Variants in SYNCRIP observed in about 807,000 individuals in gnomAD.
The protein encoded by SYNCRIP is synaptotagmin binding cytoplasmic RNA interacting protein, also known as heterogeneous nuclear ribonucleoprotein Q.
In SYNCRIP, 9 loss-of-function variants were observed where a neutral mutation model predicts 68.9. That is an observed-to-expected ratio of 0.13 (90% CI 0.08 to 0.23). The LOEUF is 0.23. SYNCRIP is among the 10% of genes least tolerant of loss of function. The pLI, the probability that SYNCRIP is intolerant of heterozygous loss-of-function variation, is 1.00. For synonymous variants in SYNCRIP, 258 were observed against 254.0 expected (o/e 1.02, Z -0.15); for missense variants, 414 against 770.6 (o/e 0.54, Z 5.48).
At chr6:85,643,720 T>A (rs1809480395), upstream of SYNCRIP, 1 of 150,494 alleles carries the variant, frequency 6.6e-6, no homozygotes, top group South Asian at 2.1e-4. Flanking sequence ...GGGCGCTGAG[T>A]GCGACTGCCG....
In SYNCRIP at chr6:85,615,032, T is replaced by G. The variant is rs759408635; in HGVS notation, c.1596A>C (p.Ala532=). ...CTCCTCTCGCACCTCGAACGCCTCT[T>G]GCTGATCCAGGACCTCCTCTCTGTG... ...GYSQRGGPGS[A]RGVRGARGGA... is the part of the protein sequence containing the mutation. The change falls in exon 11 of 11, where the codon GCA becomes GCC. Residue 532 remains alanine, a synonymous_variant. Transcript: ENST00000369622. The G allele has an allele frequency of 3.1e-6, 5 of 1,614,104 alleles. No individual in the cohort carries two copies. In the Admixed American group the frequency reaches 6.7e-5, roughly 22 times the overall value.
At chr6:85,631,106 G>A (rs1429178431) in intron 6 of SYNCRIP, among the ~76,000 whole-genome samples, 1 of 152,182 alleles carries the variant, frequency 6.6e-6, no homozygotes, top group Non-Finnish European at 1.5e-5. Flanking sequence ...ACTTTGGGAG[G>A]CTGAGGCGGG....
intron 6 of SYNCRIP, 110 bp from the exon 7 acceptor site, chr6:85,624,222 AT>A: frequency 1.9e-6 from 2 of 1,052,940 alleles, no homozygotes; most frequent in East Asian, 4.9e-5. Flanking sequence ...GTTTACCTTA[AT>A]TCCCATACAA....
rs1562110806 is a variant in SYNCRIP at position 85,637,434 on chromosome 6, G to A, written c.376-78C>T. 3 of 922,804 alleles carry A rather than the reference G, an allele frequency of 3.3e-6. No homozygotes were observed. The African/African-American group carries it at 5.0e-5, about 15-fold the overall frequency. 57.2% of individuals were successfully genotyped at this position (922,804 alleles called of 1,614,324 possible). A position where few individuals can be genotyped will look rare whatever the true frequency, so the allele number is the denominator to read the frequency against. ...ATATTTAGCAGTTAACATCCATCTT[G>A]CTCAAATCTTTCCAATTATCTTGGC... On this transcript the variant is annotated intron_variant, in intron 4 of 10. Coordinates refer to ENST00000369622, the MANE Select transcript of SYNCRIP (RefSeq NM_006372.5).
downstream of SYNCRIP, chr6:85,612,020 C>T (rs150956081): frequency 1.3e-5 from 2 of 152,238 alleles, no homozygotes; most frequent in East Asian, 1.9e-4. Flanking sequence ...AACTATTATA[C>T]ATCCAAATAA....
At chr6:85,633,163 G>A (rs1318201558) in intron 6 of SYNCRIP, among the ~76,000 whole-genome samples, 1 of 151,914 alleles carries the variant, frequency 6.6e-6, no homozygotes, top group Non-Finnish European at 1.5e-5. Flanking sequence ...GGCTGAGGCA[G>A]GAGAATGGCG....
chr6:85,613,260 T>C (rs1805392479), downstream of SYNCRIP, among the ~76,000 whole-genome samples: 1 of 151,928 alleles, frequency 6.6e-6, no homozygotes, highest in African/African-American at 2.4e-5. Context: ...AACTTGCAAG[T>C]AATTCCCATT....
chr6:85,629,771 G>A (rs1221225726), intron 6 of SYNCRIP, among the ~76,000 whole-genome samples: 3 of 152,016 alleles, frequency 2.0e-5, no homozygotes, highest in South Asian at 2.1e-4. Context: ...GCAGTGAGCC[G>A]AGATCATGCC....
At chr6:85,636,031 C>T (rs1205430807) in intron 6 of SYNCRIP, among the ~76,000 whole-genome samples, 2 of 152,158 alleles carry the variant, frequency 1.3e-5, no homozygotes, top group East Asian at 3.8e-4. Context: ...TTGCTTGATA[C>T]ATTCTATGGG....
intron 9 of SYNCRIP, 79 bp downstream of exon 9, chr6:85,619,189 T>C (rs1420833859): frequency 1.3e-6 from 2 of 1,567,486 alleles, no homozygotes; most frequent in African/African-American, 1.4e-5. Context: ...TCTCCTCCAA[T>C]TTGTAAAACT....
Position 85,619,535 on chromosome 6 carries a change from T to A in SYNCRIP, c.1009-118A>T, listed in dbSNP as rs1392668138. 3,168 of 718,392 alleles carry A rather than the reference T, an allele frequency of 4.4e-3. 6 individuals are homozygous for A. Among genetic ancestry groups the A allele is most frequent in the Non-Finnish European group, 5.2e-3 (2,579 of 497,486 alleles). 44.5% of individuals were successfully genotyped at this position (718,392 alleles called of 1,614,324 possible). On this transcript the variant is annotated intron_variant, in intron 8 of 10. Coordinates refer to ENST00000369622, the MANE Select transcript of SYNCRIP (RefSeq NM_006372.5). ...AATCCATTAGAAGAATGTCAGAATA[T>A]AAAAAAAAAAAAAGTTTTCAACTCC...
rs201697754 is a variant in SYNCRIP at position 85,615,855 on chromosome 6, T to C, written c.1281-508A>G. Among the ~76,000 whole-genome samples, 15 of 152,348 alleles carry C rather than the reference T, an allele frequency of 9.8e-5. No homozygotes were observed. In the East Asian group the frequency reaches 2.9e-3, roughly 29 times the overall value. On this transcript the variant is annotated intron_variant, in intron 10 of 10. Coordinates refer to ENST00000369622, the MANE Select transcript of SYNCRIP (RefSeq NM_006372.5). ...GAATTGCATTTCTGCTAAGATTCTA[T>C]TCCAATATACTTGAAGAACATTTAT...
At chr6:85,611,959 C>T (rs1805283299), downstream of SYNCRIP, 1 of 152,460 alleles carries the variant, frequency 6.6e-6, no homozygotes, top group African/African-American at 2.4e-5. Context: ...AGTACAAGTT[C>T]GGATGCACTT....
At chr6:85,623,845 C>G (rs1806736024) in intron 7 of SYNCRIP, 132 bp downstream of exon 7, 2 of 1,127,138 alleles carry the variant, frequency 1.8e-6, no homozygotes, top group Non-Finnish European at 2.5e-6. Context: ...ATGGGGTTAC[C>G]TACACTTCAA....
intron 4 of SYNCRIP, among the ~76,000 whole-genome samples, chr6:85,639,183 G>A (rs1808840364): frequency 6.6e-6 from 1 of 152,126 alleles, no homozygotes; most frequent in African/African-American, 2.4e-5. Context: ...ACTCCAGCCT[G>A]GGTGACAGAG....
rs1378579992 is a variant in SYNCRIP, at chr6:85,622,602, G to A, written c.888C>T (p.His296=). 3 of 1,613,984 alleles carry A rather than the reference G, an allele frequency of 1.9e-6. No homozygotes were observed. Among genetic ancestry groups the A allele is most frequent in the Admixed American group, 1.7e-5 (1 of 60,002 alleles). ...RGFCFLEYED[H]KTAAQARRRL... is the part of the protein sequence containing the mutation. Reference sequence around the variant, plus strand: ...TACGCCTTGCCTGGGCAGCTGTTTTGTGATCTTCATATTCAAGAAAGCAAA... The same window carrying A: ...TACGCCTTGCCTGGGCAGCTGTTTTATGATCTTCATATTCAAGAAAGCAAA... Residue 296 remains histidine, a synonymous_variant, in exon 8 of 11, where the codon CAC becomes CAT. Transcript: ENST00000369622.
At position 85,614,768 on chromosome 6, in the gene SYNCRIP, T is replaced by C. The variant is rs759637380; in HGVS notation, c.1860A>G (p.Gln620=). The C allele has an allele frequency of 8.1e-6, 13 of 1,595,136 alleles. No individual in the cohort carries two copies. The Middle Eastern group carries it at 5.1e-4, about 62-fold the overall frequency. ...NQEFYQDTFG[Q]QWK is the part of the protein sequence containing the mutation. ...GGCCCTACTGTTTCTACTTCCACTG[T>C]TGCCCAAAAGTATCCTGATAAAACT... The change falls in exon 11 of 11, where the codon CAA becomes CAG. Residue 620 remains glutamine (Q), a synonymous_variant. Coordinates refer to ENST00000369622, the MANE Select transcript of SYNCRIP (RefSeq NM_006372.5).
In SYNCRIP at chr6:85,626,315, A is replaced by C. The variant is rs1021474336; in HGVS notation, c.667-2203T>G. Among the ~76,000 whole-genome samples the C allele has an allele frequency of 1.3e-5, 2 of 152,336 alleles. 1 individual carries two copies. The highest frequency in any genetic ancestry group is 4.1e-4 in the South Asian group (2 of 4,826). On this transcript the variant is annotated intron_variant, in intron 6 of 10. Coordinates refer to ENST00000369622, the MANE Select transcript of SYNCRIP (RefSeq NM_006372.5). ...GCATCAAGTAGCCAGCCTTAGCAAC[A>C]AATCAGTGGTTTTCAAATTGGTCAT...
intron 1 of SYNCRIP, among the ~76,000 whole-genome samples, chr6:85,642,448 C>T (rs1000225021): frequency 6.6e-6 from 1 of 152,146 alleles, no homozygotes; most frequent in African/African-American, 2.4e-5. Flanking sequence ...CCAAGCTCGC[C>T]GCACGGCTGC....
Sources: allele counts gnomAD v4.1 joint callset (sites outside exome capture counted in the v4.1 genomes callset), GRCh38; gene constraint gnomAD v4.1.1; transcripts MANE v1.5; gene names NCBI Gene and HGNC (gene_info 2026-07-23, HGNC 2026-07-21).